Variants in DLGAP2 observed in about 807,000 individuals in gnomAD.
DLGAP2 encodes the protein DLG associated protein 2.
In DLGAP2, 26 loss-of-function variants were observed where a neutral mutation model predicts 100.3. The ratio of observed to expected loss-of-function variants is 0.26; its 90% CI spans 0.19 to 0.36. DLGAP2 has a LOEUF of 0.36. Ranked by LOEUF, DLGAP2 falls within the 10% of genes least tolerant of loss-of-function variation. The pLI is 1.00. For synonymous variants in DLGAP2, 886 were observed against 630.1 expected, an observed-to-expected ratio of 1.41 and a Z score of -6.08; for missense variants, 1,858 against 1,453.2, an observed-to-expected ratio of 1.28 and a Z score of -4.53.
intron 11 of DLGAP2, among the ~76,000 whole-genome samples, chr8:1,677,599 C>G (rs1008395180): frequency 1.3e-5 from 2 of 152,224 alleles, no homozygotes; most frequent in Non-Finnish European, 2.9e-5. Flanking sequence ...TCTCACCCAG[C>G]ATACTGGTCT....
At position 1,166,149 on chromosome 8, in the gene DLGAP2, G is replaced by A. The variant is rs1187403732; in HGVS notation, c.74-92702G>A. ...CAGGGCATCAGCCCTGTCCTTCCCC[G>A]GCCTCTTTGAGGTCTTGTTTGTCTT... On this transcript the variant is annotated intron_variant, in intron 2 of 14. Transcript: ENST00000637795. Among the ~76,000 whole-genome samples the A allele has an allele frequency of 5.9e-5, 9 of 152,174 alleles. No homozygotes were observed. The East Asian group carries it at 9.7e-4, about 16-fold the overall frequency.
At chr8:1,372,184 G>A (rs1420525469) in intron 3 of DLGAP2, among the ~76,000 whole-genome samples, 1 of 152,010 alleles carries the variant, frequency 6.6e-6, no homozygotes, top group East Asian at 1.9e-4. Context: ...TGGCGCCAAC[G>A]CTGGGGCGCA....
At chr8:856,013 C>G (rs981800213) in intron 1 of DLGAP2, among the ~76,000 whole-genome samples, 1 of 152,124 alleles carries the variant, frequency 6.6e-6, no homozygotes, top group Non-Finnish European at 1.5e-5. Flanking sequence ...CCTCTCACCC[C>G]TCCTTTTCAA....
At chr8:1,378,805 C>G (rs1375453110) in intron 3 of DLGAP2, among the ~76,000 whole-genome samples, 1 of 152,202 alleles carries the variant, frequency 6.6e-6, no homozygotes, top group Non-Finnish European at 1.5e-5. Context: ...CCTTCATTTC[C>G]CCAGATTCTT....
intron 3 of DLGAP2, among the ~76,000 whole-genome samples, chr8:1,283,665 G>A (rs1045561370): frequency 5.9e-5 from 9 of 152,186 alleles, no homozygotes; most frequent in African/African-American, 2.2e-4. Flanking sequence ...TTGTGAAAAT[G>A]CTTTTTGTCA....
intron 5 of DLGAP2, among the ~76,000 whole-genome samples, chr8:1,552,816 T>C (rs1465579486): frequency 1.3e-5 from 2 of 152,194 alleles, no homozygotes; most frequent in Admixed American, 6.5e-5. Flanking sequence ...TGGTTCACAT[T>C]AGAGGAAGAT....
chr8:969,291 C>T (rs1799956614), intron 2 of DLGAP2, among the ~76,000 whole-genome samples: 2 of 152,158 alleles, frequency 1.3e-5, no homozygotes, highest in Non-Finnish European at 2.9e-5. Context: ...TCACAGTTGG[C>T]TCCCTGGGCC....
At chr8:1,417,018 T>C (rs2129910234) in intron 3 of DLGAP2, among the ~76,000 whole-genome samples, 1 of 94,328 alleles carries the variant, frequency 1.1e-5, no homozygotes, top group South Asian at 3.2e-4. Context: ...CCGTCACTCC[T>C]CCGAGCAGCC....
intron 2 of DLGAP2, among the ~76,000 whole-genome samples, chr8:922,764 T>C (rs1798741527): frequency 6.6e-6 from 1 of 152,196 alleles, no homozygotes; most frequent in Non-Finnish European, 1.5e-5. Flanking sequence ...GGCAGTTTCA[T>C]TGCTAAACAG....
chr8:1,444,825 G>A (rs530489405), intron 3 of DLGAP2, among the ~76,000 whole-genome samples: 2 of 138,332 alleles, frequency 1.4e-5, no homozygotes, highest in South Asian at 2.3e-4. Flanking sequence ...TGTCACTCAG[G>A]CTGGAGTGCA....
intron 3 of DLGAP2, among the ~76,000 whole-genome samples, chr8:1,328,618 T>C (rs971063632): frequency 6.6e-6 from 1 of 152,228 alleles, no homozygotes; most frequent in Non-Finnish European, 1.5e-5. Context: ...CCTAAAGTGC[T>C]GGGATTACAG....
chr8:1,451,636 G>T (rs998221271), intron 3 of DLGAP2, among the ~76,000 whole-genome samples: 8 of 151,928 alleles, frequency 5.3e-5, no homozygotes, highest in African/African-American at 1.9e-4. Flanking sequence ...TCTGTTGCCG[G>T]CTCCTCTTCC....
intron 3 of DLGAP2, among the ~76,000 whole-genome samples, chr8:1,313,754 G>C (rs1374901212): frequency 6.6e-6 from 1 of 152,128 alleles, no homozygotes; most frequent in African/African-American, 2.4e-5. Context: ...TTGAATATCA[G>C]ATGTAGGAAG....
rs539654434 is a variant in DLGAP2, at chr8:1,272,510, A to G, written c.106+13627A>G. On this transcript the variant is annotated intron_variant, in intron 3 of 14. Coordinates refer to ENST00000637795, the MANE Select transcript of DLGAP2 (RefSeq NM_001346810.2). ...CACATAAACGTTTTATATAGAATAT[A>G]TATTCACATCTGTGTTCCATATAAA... 9.5e-4 allele frequency among the ~76,000 whole-genome samples: 144 copies of G among 152,232 alleles called. 1 individual carries two copies. In the South Asian group the frequency reaches 0.029, roughly 30 times the overall value.
At chr8:1,208,865 A>AAAATAAATAAAT (rs61478484) in intron 2 of DLGAP2, among the ~76,000 whole-genome samples, 35 of 144,578 alleles carry the variant, frequency 2.4e-4, no homozygotes, top group East Asian at 8.1e-4. Flanking sequence ...AATAGCTGCA[A>AAAATAAATAAAT]AAATAAATAA....
rs547382515 is a variant in DLGAP2, at chr8:1,706,620, C to T, written c.*5214C>T. On this transcript the variant is annotated 3_prime_UTR_variant, in exon 15 of 15. Transcript: ENST00000637795. Reference sequence around the variant, plus strand: ...AACTGTTTCTAGATGCTTCCAAGAACAAGAACCCAGCACCAACCAGAATTA... The same window carrying T: ...AACTGTTTCTAGATGCTTCCAAGAATAAGAACCCAGCACCAACCAGAATTA... 6.6e-6 allele frequency: 1 copy of T among 152,304 alleles called. No homozygotes were observed. Among genetic ancestry groups the T allele is most frequent in the South Asian group, 2.1e-4 (1 of 4,830 alleles). 9.4% of individuals were successfully genotyped at this position (152,304 alleles called of 1,614,324 possible).
chr8:1,227,176 T>TATATATATATATATATATATATATATA (rs1563265057), intron 2 of DLGAP2, among the ~76,000 whole-genome samples: 11 of 58,902 alleles, frequency 1.9e-4, no homozygotes, highest in South Asian at 1.4e-3. Flanking sequence ...ATATATATAG[T>TATATATATATATATATATATATATATA]ATAGATATAT....
At chr8:1,586,815 C>G (rs1203162684) in intron 6 of DLGAP2, among the ~76,000 whole-genome samples, 1 of 152,186 alleles carries the variant, frequency 6.6e-6, no homozygotes, top group African/African-American at 2.4e-5. Flanking sequence ...TGCGAATGCT[C>G]AACCACCAGT....
At chr8:1,388,059 T>A (rs181288769) in intron 3 of DLGAP2, among the ~76,000 whole-genome samples, 1 of 152,288 alleles carries the variant, frequency 6.6e-6, no homozygotes, top group East Asian at 1.9e-4. Flanking sequence ...GGGCTGGGGC[T>A]AGTGTCAGCG....
Sources: allele counts gnomAD v4.1 joint callset (sites outside exome capture counted in the v4.1 genomes callset), GRCh38; gene constraint gnomAD v4.1.1; transcripts MANE v1.5; gene names NCBI Gene and HGNC (gene_info 2026-07-23, HGNC 2026-07-21).